The following DUOX1 variants were observed in gnomAD, a reference collection of about 807,000 sequenced individuals.
DUOX1 encodes NADPH thyroid oxidase 1.
A neutral mutation model predicts 181.8 loss-of-function variants in DUOX1; 134 were observed. That is an observed-to-expected ratio of 0.74 (90% confidence interval 0.64 to 0.85). DUOX1 has a LOEUF of 0.85. Ranked by LOEUF, DUOX1 falls within the 40% of genes least tolerant of loss-of-function variation. The probability of loss-of-function intolerance (pLI) is 0.00; values close to 1 mark genes in which losing one functional copy is unlikely to be tolerated. For synonymous variants in DUOX1, 798 were observed against 832.5 expected, an observed-to-expected ratio of 0.96 and a Z score of 0.71; for missense variants, 1,814 against 2,064.4, an observed-to-expected ratio of 0.88 and a Z score of 2.35.
At chr15:45,160,725 G>A in intron 28 of DUOX1, 112 bp from the exon 29 acceptor site, 1 of 1,387,592 alleles carries the variant, frequency 7.2e-7, no homozygotes, top group Non-Finnish European at 9.8e-7. Context: ...TACGTGGTGA[G>A]GTGGGGGCTG....
At chr15:45,137,298 T>C (rs1955248051) in intron 9 of DUOX1, among the ~76,000 whole-genome samples, 1 of 132,086 alleles carries the variant, frequency 7.6e-6, no homozygotes, top group African/African-American at 2.8e-5. Context: ...AGGCGGAGGT[T>C]GCGGTGAGCC....
intron 7 of DUOX1, 106 bp from the exon 8 acceptor site, chr15:45,136,244 C>T: frequency 6.4e-7 from 1 of 1,552,248 alleles, no homozygotes; most frequent in Non-Finnish European, 8.8e-7. Context: ...CCATGACTGA[C>T]CCTGGCTGGT....
rs181388715 is a variant in DUOX1, at chr15:45,146,952, T to C, written c.2323-481T>C. Among the ~76,000 whole-genome samples the C allele has an allele frequency of 3.9e-4, 60 of 152,304 alleles. No homozygotes were observed. The Middle Eastern group carries it at 0.014, about 35-fold the overall frequency. On this transcript the variant is annotated intron_variant, in intron 18 of 33. Coordinates refer to ENST00000389037, the MANE Select transcript of DUOX1 (RefSeq NM_175940.3). ...GCCTTGTCTTAGTTAAAACTTTTTT[T>C]ACACATAAATAAGAGAAACCCCAAT...
chr15:45,148,310 C>T lies in DUOX1; in HGVS notation c.2681C>T (p.Ala894Val), dbSNP rs1896710037. The T allele has an allele frequency of 6.2e-7, 1 of 1,614,112 alleles. No homozygotes were observed. The highest frequency in any genetic ancestry group is 1.6e-4 in the Middle Eastern group (1 of 6,084). ...ATCTCCAACAACTGCCTGTCCAAGGCCCAGCTGGCTGAGGTGGTGGAGTCC... is the reference window on the plus strand; with the variant it reads ...ATCTCCAACAACTGCCTGTCCAAGGTCCAGCTGGCTGAGGTGGTGGAGTCC... ...IEISNNCLSK[A>V]QLAEVVESMF... The change falls in exon 21 of 34, where the codon GCC (alanine) becomes GTC (valine). Residue 894 changes from alanine (A) to valine (V), a missense_variant. Ala to Val is a moderately conservative substitution (Grantham distance 64). This residue lies in a region of DUOX1 where 1,064 missense variants were observed against 1,152.9 expected (regional missense o/e 0.92). Coordinates refer to ENST00000389037, the MANE Select transcript of DUOX1 (RefSeq NM_175940.3).
intron 33 of DUOX1, 104 bp from the exon 34 acceptor site, chr15:45,164,675 T>C (rs1193484586): frequency 5.4e-6 from 7 of 1,288,318 alleles, no homozygotes; most frequent in Non-Finnish European, 7.7e-6. Flanking sequence ...GTTGCTATGT[T>C]GCCCAGGCTG....
chr15:45,130,886 C>G (rs561464093), intron 1 of DUOX1, among the ~76,000 whole-genome samples: 1 of 152,362 alleles, frequency 6.6e-6, no homozygotes, highest in South Asian at 2.1e-4. Context: ...GTATATCCAG[C>G]TTTACAGCTT....
intron 21 of DUOX1, among the ~76,000 whole-genome samples, chr15:45,149,398 G>A (rs1896748135): frequency 6.6e-6 from 1 of 152,248 alleles, no homozygotes; most frequent in African/African-American, 2.4e-5. Flanking sequence ...GAAGGTGCAT[G>A]GAAGGGAGCC....
At chr15:45,153,540 GTGTGTGTATA>G (rs1896884473) in intron 26 of DUOX1, 61 bp downstream of exon 26, 1 of 327,354 alleles carries the variant, frequency 3.1e-6, no homozygotes, top group Non-Finnish European at 4.2e-6. Context: ...GTGTGTGTGT[GTGTGTGTATA>G]ATGGGGAGGA....
intron 23 of DUOX1, 72 bp downstream of exon 23, chr15:45,151,320 T>C (rs1004528974): frequency 1.9e-6 from 3 of 1,568,754 alleles, no homozygotes; most frequent in Non-Finnish European, 2.6e-6. Flanking sequence ...TTTTCCTTGG[T>C]GCCAGGCACT....
At chr15:45,159,727 G>T in intron 28 of DUOX1, among the ~76,000 whole-genome samples, 1 of 152,304 alleles carries the variant, frequency 6.6e-6, no homozygotes. Flanking sequence ...CTGGGGAAGC[G>T]CCTTTCCCCA....
intron 29 of DUOX1, 57 bp downstream of exon 29, chr15:45,161,047 G>A (rs1897086971): frequency 6.2e-7 from 1 of 1,608,744 alleles, no homozygotes. Context: ...CCGGGCAGAG[G>A]CAGAGTCTAG....
intron 9 of DUOX1, 108 bp from the exon 10 acceptor site, chr15:45,137,816 A>G: frequency 1.2e-6 from 1 of 850,264 alleles, no homozygotes; most frequent in Non-Finnish European, 1.8e-6. Flanking sequence ...ACCACCTCGG[A>G]AAGACGATGG....
At chr15:45,131,868 CCTGATTCTTCTGAGTAGCTGGGG>C in intron 1 of DUOX1, 27 bp from the exon 2 acceptor site, 2 of 1,335,464 alleles carry the variant, frequency 1.5e-6, no homozygotes, top group African/African-American at 1.4e-5. Flanking sequence ...GAGTCTTTCA[CCTGATTCTTCTGAGTAGCTGGGG>C]CTCATTCTTT....
chr15:45,139,662 T>C, intron 12 of DUOX1, 63 bp downstream of exon 12: 3 of 1,477,398 alleles, frequency 2.0e-6, no homozygotes, highest in Non-Finnish European at 1.8e-6. Context: ...GCCTGAGACA[T>C]GGAAGATAGG....
intron 18 of DUOX1, 82 bp from the exon 19 acceptor site, chr15:45,147,351 G>T (rs1242281442): frequency 9.2e-6 from 14 of 1,527,128 alleles, no homozygotes; most frequent in Non-Finnish European, 1.2e-5. Context: ...ACCTCAAAAG[G>T]TGGCTCCTAC....
chr15:45,159,258 G>A (rs982711637), intron 28 of DUOX1, among the ~76,000 whole-genome samples: 3 of 152,218 alleles, frequency 2.0e-5, no homozygotes, highest in African/African-American at 4.8e-5. Context: ...GCCACATGGC[G>A]GAGCATAGAA....
chr15:45,139,280 G>A (rs775165866), intron 11 of DUOX1, 112 bp downstream of exon 11: 3 of 1,598,112 alleles, frequency 1.9e-6, no homozygotes, highest in South Asian at 2.2e-5. Flanking sequence ...AGCCTGCACT[G>A]CACTCACTGA....
At chr15:45,139,692 G>C in intron 12 of DUOX1, 93 bp downstream of exon 12, 1 of 1,370,586 alleles carries the variant, frequency 7.3e-7, no homozygotes, top group Non-Finnish European at 9.7e-7. Flanking sequence ...TTGAGCACAA[G>C]AGACAAGCAC....
chr15:45,135,863 C>T lies in DUOX1; in HGVS notation c.779C>T (p.Ala260Val), dbSNP rs1351199904. ...LLWFRYHNLWAQRLARQHPDW... is the reference protein window; with the variant it reads ...LLWFRYHNLWVQRLARQHPDW... ...TGGTTCCGCTACCACAACCTGTGGG[C>T]GCAGAGGCTGGCCCGCCAGCACCCA... The change falls in exon 7 of 34, where the codon GCG becomes GTG. Residue 260 changes from alanine (A) to valine (V), a missense_variant. Transcript: ENST00000389037. 3.5e-6 allele frequency: 5 copies of T among 1,420,490 alleles called. No individual in the cohort carries two copies. The Admixed American group carries it at 6.2e-5, about 18-fold the overall frequency. The allele number at this position is 1,420,490 out of a possible 1,614,324, so 88.0% of individuals were successfully genotyped here. A position where few individuals can be genotyped will look rare whatever the true frequency, so the allele number is the denominator to read the frequency against.
Sources: allele counts gnomAD v4.1 joint callset (sites outside exome capture counted in the v4.1 genomes callset), GRCh38; gene constraint gnomAD v4.1.1; regional missense constraint gnomAD v4.1.1; transcripts MANE v1.5; gene names NCBI Gene and HGNC (gene_info 2026-07-23, HGNC 2026-07-21).